ACOXL: variants seen among roughly 807,000 people sequenced by gnomAD.
ACOXL encodes the protein acyl-CoA oxidase like, also known as acyl-coenzyme A oxidase-like protein.
In ACOXL, 70 loss-of-function variants were observed where a neutral mutation model predicts 71.9. The ratio of observed to expected loss-of-function variants is 0.97; its 90% CI spans 0.80 to 1.19. The LOEUF (loss-of-function observed/expected upper bound fraction) is 1.19. ACOXL is among the 50% of genes most tolerant of loss of function. ACOXL has a pLI of 0.00. For missense variants in ACOXL, 703 were observed against 736.3 expected, an observed-to-expected ratio of 0.95 and a Z score of 0.52; for synonymous variants, 253 against 281.6, an observed-to-expected ratio of 0.90 and a Z score of 1.02.
At chr2:110,799,170 C>G in intron 7 of ACOXL, 70 bp downstream of exon 7, 1 of 1,450,562 alleles carries the variant, frequency 6.9e-7, no homozygotes, top group Admixed American at 1.7e-5. Flanking sequence ...CAAGGAGAAT[C>G]TAACCTACGT....
intron 10 of ACOXL, among the ~76,000 whole-genome samples, chr2:110,874,343 C>T (rs1416039777): frequency 1.3e-5 from 2 of 152,154 alleles, no homozygotes; most frequent in African/African-American, 4.8e-5. Flanking sequence ...AAATACGTCT[C>T]TCCCACCCCC....
At chr2:111,105,671 G>C (rs1435281382) in intron 17 of ACOXL, among the ~76,000 whole-genome samples, 2 of 152,004 alleles carry the variant, frequency 1.3e-5, no homozygotes, top group South Asian at 4.1e-4. Flanking sequence ...TATTTTATAT[G>C]TTTTATCAAC....
intron 17 of ACOXL, among the ~76,000 whole-genome samples, chr2:111,110,503 T>C (rs2069869490): frequency 6.6e-6 from 1 of 152,238 alleles, no homozygotes; most frequent in Non-Finnish European, 1.5e-5. Context: ...AAATTCTGGG[T>C]TGAGGGTAAG....
At chr2:110,969,780 C>T (rs1433918033) in intron 12 of ACOXL, among the ~76,000 whole-genome samples, 1 of 150,072 alleles carries the variant, frequency 6.7e-6, no homozygotes, top group African/African-American at 2.4e-5. Context: ...CACTGCATTC[C>T]AGCCTGGGCG....
intron 2 of ACOXL, among the ~76,000 whole-genome samples, chr2:110,773,003 T>C (rs917917553): frequency 1.3e-5 from 2 of 152,156 alleles, no homozygotes; most frequent in Non-Finnish European, 2.9e-5. Flanking sequence ...ATATGGTAAA[T>C]TGACAGCTGT....
chr2:111,065,880 T>C (rs992585481), intron 16 of ACOXL, among the ~76,000 whole-genome samples: 1 of 152,198 alleles, frequency 6.6e-6, no homozygotes, highest in African/African-American at 2.4e-5. Flanking sequence ...TAACACGTAA[T>C]GCAAGTGAGG....
At chr2:110,824,679 A>G (rs1355817833) in intron 9 of ACOXL, among the ~76,000 whole-genome samples, 1 of 151,198 alleles carries the variant, frequency 6.6e-6, no homozygotes, top group African/African-American at 2.4e-5. Flanking sequence ...TCTTGTTTTT[A>G]TCTTCCATTT....
chr2:111,073,136 T>C (rs1195933702), intron 16 of ACOXL, among the ~76,000 whole-genome samples: 1 of 152,250 alleles, frequency 6.6e-6, no homozygotes, highest in Non-Finnish European at 1.5e-5. Flanking sequence ...GAGAGTTATT[T>C]ATAGATTCTA....
intron 10 of ACOXL, among the ~76,000 whole-genome samples, chr2:110,864,376 A>T (rs1356727022): frequency 6.6e-6 from 1 of 152,160 alleles, no homozygotes; most frequent in Non-Finnish European, 1.5e-5. Context: ...CTCTCCATCC[A>T]CAAAGGGTAG....
At chr2:111,061,829 C>G (rs1188309601) in intron 16 of ACOXL, among the ~76,000 whole-genome samples, 2 of 151,862 alleles carry the variant, frequency 1.3e-5, no homozygotes, top group Non-Finnish European at 2.9e-5. Flanking sequence ...TACTAAAAAA[C>G]TACTCAGAGA....
intron 2 of ACOXL, among the ~76,000 whole-genome samples, chr2:110,768,981 C>T (rs1016968020): frequency 4.6e-5 from 7 of 151,700 alleles, no homozygotes; most frequent in East Asian, 1.9e-4. Flanking sequence ...ACCCTTTCCT[C>T]GGCCCACACA....
chr2:110,992,312 G>C (rs1053212306), intron 13 of ACOXL, among the ~76,000 whole-genome samples: 2 of 152,154 alleles, frequency 1.3e-5, no homozygotes, highest in African/African-American at 4.8e-5. Context: ...TACTTACTCT[G>C]ACTTTATATG....
intron 9 of ACOXL, among the ~76,000 whole-genome samples, chr2:110,818,647 T>G (rs533439383): frequency 5.3e-5 from 8 of 151,868 alleles, no homozygotes; most frequent in East Asian, 3.9e-4. Flanking sequence ...TGGGGGAGAT[T>G]TAGGTTAAAT....
At chr2:110,899,567 A>G (rs2059145064) in intron 10 of ACOXL, among the ~76,000 whole-genome samples, 1 of 152,180 alleles carries the variant, frequency 6.6e-6, no homozygotes, top group African/African-American at 2.4e-5. Context: ...GGCTTCTGCA[A>G]GATCTCTGCA....
chr2:110,818,135 C>T lies in ACOXL; in HGVS notation c.753+12740C>T, dbSNP rs1267127591. Among the ~76,000 whole-genome samples, 7 of 152,098 alleles carry T rather than the reference C, an allele frequency of 4.6e-5. No individual in the cohort carries two copies. The East Asian group carries it at 5.8e-4, about 13-fold the overall frequency. On this transcript the variant is annotated intron_variant, in intron 9 of 17. Coordinates refer to ENST00000439055, the MANE Select transcript of ACOXL (RefSeq NM_001142807.4). ...CTTGGCCGGGTGCAGTGGGTCATGC[C>T]TGTAATCCCAGCACTTTGGGAGGTC...
intron 12 of ACOXL, among the ~76,000 whole-genome samples, chr2:110,938,776 A>G (rs969921882): frequency 3.9e-5 from 6 of 152,106 alleles, no homozygotes; most frequent in Admixed American, 3.3e-4. Flanking sequence ...AAAACTTGGA[A>G]TTAATCCACA....
At chr2:110,783,189 T>C (rs1473781508) in intron 2 of ACOXL, among the ~76,000 whole-genome samples, 1 of 152,220 alleles carries the variant, frequency 6.6e-6, no homozygotes, top group Non-Finnish European at 1.5e-5. Context: ...GGGGTCAGTC[T>C]TTCCTGTCCT....
intron 1 of ACOXL, among the ~76,000 whole-genome samples, chr2:110,749,813 G>T (rs1573325076): frequency 6.6e-6 from 1 of 152,176 alleles, no homozygotes; most frequent in East Asian, 1.9e-4. Context: ...CTGCTCCAGG[G>T]TCCTATCCAG....
chr2:111,002,286 T>G (rs7574046), intron 14 of ACOXL, among the ~76,000 whole-genome samples: 2,727 of 152,300 alleles, frequency 0.018, 40 homozygotes, highest in Middle Eastern at 0.037. Flanking sequence ...TGCTAAATTT[T>G]GGGATAATTT....
Sources: gnomAD v4.1 joint callset for allele counts (sites outside exome capture counted in the v4.1 genomes callset) on GRCh38, gnomAD v4.1.1 for gene constraint, MANE v1.5 for transcripts, NCBI Gene and HGNC (gene_info 2026-07-23, HGNC 2026-07-21) for gene names.